Variants in PPM1F observed in about 807,000 individuals in gnomAD.
PPM1F encodes the protein protein phosphatase, Mg2+/Mn2+ dependent 1F, also known as protein phosphatase 1F.
In PPM1F, 17 loss-of-function variants were observed where a neutral mutation model predicts 35.5. That is an observed-to-expected ratio of 0.48 (90% CI 0.33 to 0.72). The LOEUF is 0.72. Among genes scored for constraint, PPM1F ranks in the 30% least tolerant of loss-of-function variants. The probability of loss-of-function intolerance (pLI) is 0.02; values close to 1 mark genes in which losing one functional copy is unlikely to be tolerated. For synonymous variants in PPM1F, 241 were observed against 255.5 expected (o/e 0.94, Z 0.54); for missense variants, 521 against 613.0 (o/e 0.85, Z 1.59).
chr22:21,925,915 G>A (rs939961422), intron 6 of PPM1F: 7 of 421,046 alleles, frequency 1.7e-5, no homozygotes, highest in African/African-American at 4.0e-5. Flanking sequence ...CCGCCTAGCG[G>A]TGCCTGCGCC....
chr22:21,930,338 A>G (rs1296708483), intron 6 of PPM1F, among the ~76,000 whole-genome samples: 2 of 152,190 alleles, frequency 1.3e-5, no homozygotes, highest in African/African-American at 4.8e-5. Flanking sequence ...TAGCCATCCC[A>G]CTTCTGGGGA....
In PPM1F at chr22:21,927,705, TC is replaced by T. The variant is rs534553037; in HGVS notation, c.892-2044del. Among the ~76,000 whole-genome samples, 260 of 152,306 alleles carry T rather than the reference TC, an allele frequency of 1.7e-3. 1 individual carries two copies. The highest frequency in any genetic ancestry group is 5.9e-3 in the African/African-American group (247 of 41,578). The stretch of plus-strand genomic sequence containing the variant: ...TGTGCTGCTCCCCTGCAGCCTGTGA[TC>T]CCCTCTCCTGCCATTCTGCACCCCC... On this transcript the variant is annotated intron_variant, in intron 6 of 7. Coordinates refer to ENST00000263212, the MANE Select transcript of PPM1F (RefSeq NM_014634.4).
intron 3 of PPM1F, chr22:21,937,301 T>G: frequency 1.3e-5 from 2 of 150,818 alleles, no homozygotes; most frequent in Admixed American, 6.6e-5. Flanking sequence ...ACGCAGGAGG[T>G]CACAGAAAGA....
In PPM1F at chr22:21,925,644, C is replaced by T. The variant is rs1174030342; in HGVS notation, c.910G>A (p.Glu304Lys). The change falls in exon 7 of 8, where the codon GAA (glutamate) becomes AAA (lysine). Residue 304 changes from glutamate (E) to lysine (K), a missense_variant. Coordinates refer to ENST00000263212, the MANE Select transcript of PPM1F (RefSeq NM_014634.4). ...PERQDEKARI[E>K]ALGGFVSHMD... is the part of the protein sequence containing the mutation. Reference sequence around the variant, plus strand: ...TGAGACACAAAGCCACCCAATGCTTCAATGCGCGCCTTCTCATCCTGCAGA... The same window carrying T: ...TGAGACACAAAGCCACCCAATGCTTTAATGCGCGCCTTCTCATCCTGCAGA... 1 of 1,594,362 alleles carries T rather than the reference C, an allele frequency of 6.3e-7. No individual in the cohort carries two copies. The highest frequency in any genetic ancestry group is 2.3e-5 in the East Asian group (1 of 44,388).
chr22:21,937,893 G>T, intron 3 of PPM1F: 1 of 333,718 alleles, frequency 3.0e-6, no homozygotes, highest in Non-Finnish European at 5.6e-6. Flanking sequence ...CCGGGGAGGG[G>T]CTGACTGGCA....
chr22:21,939,286 G>T lies in PPM1F; in HGVS notation c.355+246C>A. ...AACTTCAGTCAGACAGGACACAGGA[G>T]GGTGTCTGCACCACCCACCCCTGCC... On this transcript the variant is annotated intron_variant, in intron 3 of 7. Coordinates refer to ENST00000263212, the MANE Select transcript of PPM1F (RefSeq NM_014634.4). The surrounding 1 kb of genome is among the most constrained non-coding windows in gnomAD (Gnocchi z 5.1). 1.8e-6 allele frequency: 1 copy of T among 547,666 alleles called. No individual in the cohort carries two copies. The highest frequency in any genetic ancestry group is 3.3e-6 in the Non-Finnish European group (1 of 306,586). The allele number at this position is 547,666 out of a possible 1,614,324, so 33.9% of individuals were successfully genotyped here.
chr22:21,938,290 G>A, intron 3 of PPM1F: 1 of 1,264,370 alleles, frequency 7.9e-7, no homozygotes, highest in South Asian at 1.3e-5. Flanking sequence ...CCTTGGTGGG[G>A]CCGCAGAGCG....
At chr22:21,938,112 TC>T in intron 3 of PPM1F, 2 of 1,298,286 alleles carry the variant, frequency 1.5e-6, no homozygotes, top group Non-Finnish European at 2.0e-6. Context: ...AGGCGAGACT[TC>T]CTTCTAGCTG....
At position 21,923,074 on chromosome 22, in the gene PPM1F, C is replaced by G. The variant is rs540237793; in HGVS notation, c.*18G>C. 58 of 1,577,388 alleles carry G rather than the reference C, an allele frequency of 3.7e-5. No individual in the cohort carries two copies. Among genetic ancestry groups the G allele is most frequent in the Admixed American group, 1.5e-4 (8 of 54,442 alleles). ...GACAAGGATGGGAGGAAGGGGAGGGCAGGGGCCTGGAAACCACCTAGCTTC... is the reference window on the plus strand; with the variant it reads ...GACAAGGATGGGAGGAAGGGGAGGGGAGGGGCCTGGAAACCACCTAGCTTC... On this transcript the variant is annotated 3_prime_UTR_variant, in exon 8 of 8. Transcript: ENST00000263212.
At chr22:21,938,039 C>G (rs979215118) in intron 3 of PPM1F, 114 of 1,190,208 alleles carry the variant, frequency 9.6e-5, no homozygotes, top group Non-Finnish European at 1.2e-4. Flanking sequence ...ACAGGGAGAG[C>G]ATGATCAAGG....
At chr22:21,932,345 G>C (rs1340467508) in intron 5 of PPM1F, among the ~76,000 whole-genome samples, 4 of 152,206 alleles carry the variant, frequency 2.6e-5, no homozygotes, top group Non-Finnish European at 5.9e-5. Context: ...TGGGGCTGAG[G>C]TGAGAGGCCA....
chr22:21,938,016 T>C (rs1439009066), intron 3 of PPM1F: 1 of 1,118,342 alleles, frequency 8.9e-7, no homozygotes, highest in Non-Finnish European at 1.1e-6. Flanking sequence ...CTTGACTACA[T>C]TCTACTTCCG....
At chr22:21,932,624 T>C (rs2070605767) in intron 5 of PPM1F, 1 of 152,148 alleles carries the variant, frequency 6.6e-6, no homozygotes, top group Non-Finnish European at 1.5e-5. Context: ...ATTCTGTGGG[T>C]GAGGTTCAGA....
chr22:21,932,321 C>T (rs1361513420), intron 5 of PPM1F, among the ~76,000 whole-genome samples: 1 of 152,218 alleles, frequency 6.6e-6, no homozygotes, highest in Non-Finnish European at 1.5e-5. Context: ...AGCTCAGAGG[C>T]CTTTGTCACT....
chr22:21,947,136 G>GTGGCAT (rs148832609), intron 1 of PPM1F: 1 of 152,472 alleles, frequency 6.6e-6, no homozygotes, highest in Non-Finnish European at 1.5e-5. Flanking sequence ...TCCTCCCAGG[G>GTGGCAT]TGGCTCTGGC....
At chr22:21,935,580 A>T (rs556285269) in intron 3 of PPM1F, 19 of 152,234 alleles carry the variant, frequency 1.2e-4, no homozygotes, top group South Asian at 4.1e-4. Context: ...TTAATTAAAA[A>T]AAACTAGCCC....
chr22:21,929,016 C>T (rs1277393763), intron 6 of PPM1F, among the ~76,000 whole-genome samples: 2 of 152,150 alleles, frequency 1.3e-5, no homozygotes, highest in Non-Finnish European at 2.9e-5. Context: ...TTCAGACAGC[C>T]GCAGAACAAG....
intron 2 of PPM1F, chr22:21,940,435 T>A (rs1485335406): frequency 2.0e-5 from 3 of 151,360 alleles, no homozygotes; most frequent in Non-Finnish European, 2.9e-5. Flanking sequence ...ATTGTGCCAC[T>A]GCACTCCAGC....
In PPM1F at chr22:21,934,004, G is replaced by T; in HGVS notation, c.558+20C>A. 1 of 1,533,980 alleles carries T rather than the reference G, an allele frequency of 6.5e-7. No individual in the cohort carries two copies. Among genetic ancestry groups the T allele is most frequent in the Non-Finnish European group, 8.8e-7 (1 of 1,134,640 alleles). ...CCGGTCCTCCGAAGCTGTCCCCAGG[G>T]TCTGGACGGGAGCACTCACAGACAA... On this transcript the variant is annotated intron_variant, in intron 4 of 7. Coordinates refer to ENST00000263212, the MANE Select transcript of PPM1F (RefSeq NM_014634.4).
Sources: gnomAD v4.1 joint callset for allele counts (sites outside exome capture counted in the v4.1 genomes callset) on GRCh38, gnomAD v4.1.1 for gene constraint, Gnocchi (gnomAD v3.1) non-coding constraint, MANE v1.5 for transcripts, NCBI Gene and HGNC (gene_info 2026-07-23, HGNC 2026-07-21) for gene names.